RALYL: variants seen among roughly 807,000 people sequenced by gnomAD.
The protein encoded by RALYL is RNA-binding Raly-like protein.
Under a neutral mutation model 35.1 loss-of-function variants are expected in RALYL, and 29 were observed. That is an observed-to-expected ratio of 0.83 (90% CI 0.61 to 1.13). RALYL has a LOEUF of 1.13. RALYL is among the 50% of genes most tolerant of loss of function. The pLI, the probability that RALYL is intolerant of heterozygous loss-of-function variation, is 0.00. For missense variants in RALYL, 359 were observed against 360.4 expected, an observed-to-expected ratio of 1.00 and a Z score of 0.03; for synonymous variants, 120 against 127.6, an observed-to-expected ratio of 0.94 and a Z score of 0.40.
intron 1 of RALYL, among the ~76,000 whole-genome samples, chr8:84,299,016 T>A (rs571651348): frequency 6.6e-6 from 1 of 152,032 alleles, no homozygotes; most frequent in Non-Finnish European, 1.5e-5. Flanking sequence ...GCAGACAGTT[T>A]GACTTCTCTG....
At chr8:84,408,620 G>A (rs932064691) in intron 1 of RALYL, among the ~76,000 whole-genome samples, 6 of 152,120 alleles carry the variant, frequency 3.9e-5, no homozygotes, top group Non-Finnish European at 7.4e-5. Context: ...AAGAACCCAG[G>A]TGGGTTGGGG....
intron 4 of RALYL, among the ~76,000 whole-genome samples, chr8:84,811,099 T>C (rs1201753113): frequency 1.3e-5 from 2 of 152,138 alleles, no homozygotes; most frequent in African/African-American, 4.8e-5. Flanking sequence ...ATACTTTTGT[T>C]TTCTAGGTCC....
At position 84,877,832 on chromosome 8, in the gene RALYL, A is replaced by G. The variant is rs146356628; in HGVS notation, c.685+4435A>G. ...AGATATGATCTGACTGCTGTAGCCT[A>G]TAACATGACTACCATTTCTGTTCTG... On this transcript the variant is annotated intron_variant, in intron 7 of 8. Transcript: ENST00000521268. Among the ~76,000 whole-genome samples the G allele has an allele frequency of 6.2e-3, 942 of 152,314 alleles. 8 individuals are homozygous for G. The highest frequency in any genetic ancestry group is 0.021 in the African/African-American group (888 of 41,560).
chr8:84,720,704 T>A (rs1843729409), intron 2 of RALYL, among the ~76,000 whole-genome samples: 1 of 151,670 alleles, frequency 6.6e-6, no homozygotes, highest in Non-Finnish European at 1.5e-5. Context: ...GAAGAGAAAA[T>A]CTACAGAATG....
intron 2 of RALYL, among the ~76,000 whole-genome samples, chr8:84,624,666 T>G (rs1406906651): frequency 6.6e-6 from 1 of 152,202 alleles, no homozygotes; most frequent in African/African-American, 2.4e-5. Context: ...CTTGTAAGAT[T>G]ACATATTCAC....
At chr8:84,520,591 T>A (rs967008452) in intron 1 of RALYL, among the ~76,000 whole-genome samples, 1 of 152,150 alleles carries the variant, frequency 6.6e-6, no homozygotes, top group Non-Finnish European at 1.5e-5. Flanking sequence ...TGTCACCTGT[T>A]AAGAACAGGG....
chr8:84,887,948 A>T (rs181514813), intron 8 of RALYL, among the ~76,000 whole-genome samples, 172 bp downstream of exon 8: 21 of 152,358 alleles, frequency 1.4e-4, no homozygotes, highest in Non-Finnish European at 2.2e-4. Context: ...TCAATACTTT[A>T]TTGCTAACTT....
chr8:84,207,814 GTGTGTGTATATA>G (rs1468701458), intron 1 of RALYL, among the ~76,000 whole-genome samples: 2 of 138,462 alleles, frequency 1.4e-5, no homozygotes, highest in Non-Finnish European at 3.2e-5. Flanking sequence ...GTGTGTGTGT[GTGTGTGTATATA>G]TATATATATA....
intron 1 of RALYL, among the ~76,000 whole-genome samples, chr8:84,479,455 A>C (rs1232766961): frequency 3.3e-5 from 5 of 152,196 alleles, no homozygotes; most frequent in Non-Finnish European, 2.9e-5. Context: ...AAATGACCAA[A>C]GCACGTGTTT....
intron 1 of RALYL, among the ~76,000 whole-genome samples, chr8:84,355,656 G>A (rs1160473872): frequency 6.7e-6 from 1 of 150,284 alleles, no homozygotes; most frequent in African/African-American, 2.5e-5. Context: ...AGTACCATTA[G>A]GAGATGATAG....
chr8:84,842,195 G>C (rs556365074), intron 4 of RALYL, among the ~76,000 whole-genome samples: 194 of 152,176 alleles, frequency 1.3e-3, no homozygotes, highest in African/African-American at 4.0e-3. Context: ...TTTTTGAAAA[G>C]ATCAACAAAA....
chr8:84,455,635 C>A (rs28673182), intron 1 of RALYL, among the ~76,000 whole-genome samples: 8,552 of 152,034 alleles, frequency 0.056, 567 homozygotes, highest in African/African-American at 0.16. Context: ...AAGTCAATCA[C>A]AAACATCCAT....
chr8:84,887,703 G>C lies in RALYL; in HGVS notation c.785G>C (p.Gly262Ala). Reference sequence around the variant, plus strand: ...TCTACAGAGGAGCCTGCTGAAGGAGGGCCAGATGCCGATGGAGAAGAGATG... The same window carrying C: ...TCTACAGAGGAGCCTGCTGAAGGAGCGCCAGATGCCGATGGAGAAGAGATG... The part of the protein sequence containing the change: ...DHSTEEPAEG[G>A]PDADGEEMTD... Residue 262 changes from glycine to alanine, a missense_variant, in exon 8 of 9, where the codon GGG (glycine) becomes GCG (alanine). Gly to Ala is a moderately conservative substitution (Grantham distance 60). Transcript: ENST00000521268. 6.2e-7 allele frequency: 1 copy of C among 1,613,868 alleles called. No individual in the cohort carries two copies. The highest frequency in any genetic ancestry group is 1.1e-5 in the South Asian group (1 of 91,080).
At chr8:84,769,122 A>G (rs937670334) in intron 2 of RALYL, among the ~76,000 whole-genome samples, 10 of 152,198 alleles carry the variant, frequency 6.6e-5, no homozygotes, top group Non-Finnish European at 1.5e-4. Context: ...TGATATTTTC[A>G]TGCGCATGTG....
intron 1 of RALYL, among the ~76,000 whole-genome samples, chr8:84,524,583 A>C (rs186789361): frequency 7.2e-4 from 109 of 152,308 alleles, no homozygotes; most frequent in African/African-American, 2.4e-3. Flanking sequence ...AGAATGGTAG[A>C]GTTTACTAGC....
chr8:84,624,383 T>C (rs1322530223), intron 2 of RALYL, among the ~76,000 whole-genome samples: 2 of 152,176 alleles, frequency 1.3e-5, no homozygotes, highest in African/African-American at 2.4e-5. Context: ...TTGGAGGCTA[T>C]AGGAAAGAAT....
At chr8:84,786,316 C>T (rs933942514) in intron 3 of RALYL, among the ~76,000 whole-genome samples, 12 of 151,998 alleles carry the variant, frequency 7.9e-5, no homozygotes, top group African/African-American at 2.7e-4. Flanking sequence ...TATAATAGAA[C>T]GATTTCTATT....
intron 2 of RALYL, among the ~76,000 whole-genome samples, chr8:84,620,312 T>C (rs545318042): frequency 1.3e-3 from 191 of 152,274 alleles, no homozygotes; most frequent in African/African-American, 4.4e-3. Context: ...ACTTTTTCTC[T>C]AAACTTCCCT....
chr8:84,454,525 G>A (rs929456093), intron 1 of RALYL, among the ~76,000 whole-genome samples: 2 of 151,996 alleles, frequency 1.3e-5, no homozygotes, highest in Non-Finnish European at 2.9e-5. Flanking sequence ...AAATCAACTC[G>A]ATTTGTGTTC....
Sources: gnomAD v4.1 joint callset for allele counts (sites outside exome capture counted in the v4.1 genomes callset) on GRCh38, gnomAD v4.1.1 for gene constraint, MANE v1.5 for transcripts, NCBI Gene and HGNC (gene_info 2026-07-23, HGNC 2026-07-21) for gene names.